Variants in MYH7 observed in about 807,000 individuals in gnomAD.
MYH7 encodes myosin heavy chain 7, also known as myosin-7.
In MYH7, 129 loss-of-function variants were observed where a neutral mutation model predicts 225.4. That is an observed-to-expected ratio of 0.57 (90% CI 0.50 to 0.66). The LOEUF (loss-of-function observed/expected upper bound fraction) is 0.66, where lower values mean the gene tolerates loss of function less well. Ranked by LOEUF, MYH7 falls within the 30% of genes least tolerant of loss-of-function variation. MYH7 has a pLI of 0.00. For synonymous variants in MYH7, 971 were observed against 1,007.6 expected, an observed-to-expected ratio of 0.96 and a Z score of 0.69; for missense variants, 1,649 against 2,517.0, an observed-to-expected ratio of 0.66 and a Z score of 7.38.
intron 18 of MYH7, 124 bp from the exon 19 acceptor site, chr14:23,426,205 TTC>T: frequency 8.8e-7 from 1 of 1,131,486 alleles, no homozygotes; most frequent in Non-Finnish European, 1.3e-6. Context: ...AATCATTTGT[TTC>T]ATTTTCTTCT....
rs1893029381 is a variant in MYH7, at chr14:23,433,479, C to T, written c.201+53G>A. The T allele has an allele frequency of 1.3e-6, 2 of 1,591,238 alleles. No homozygotes were observed. Among genetic ancestry groups the T allele is most frequent in the Admixed American group, 3.3e-5 (2 of 60,012 alleles). On this transcript the variant is annotated intron_variant, in intron 3 of 39. Transcript: ENST00000355349. This position sits in a 1 kb window ranked among gnomAD's most constrained non-coding sequence, Gnocchi z 4.1. ...GGGCATGGGTGTACCCCTCTCTGTCCACCCAGGTGTACAGGTGGCCAGGGT... is the reference window on the plus strand; with the variant it reads ...GGGCATGGGTGTACCCCTCTCTGTCTACCCAGGTGTACAGGTGGCCAGGGT...
intron 6 of MYH7, 41 bp from the exon 7 acceptor site, chr14:23,431,910 T>C: frequency 6.3e-7 from 1 of 1,590,676 alleles, no homozygotes; most frequent in Non-Finnish European, 8.6e-7. Flanking sequence ...ACAATACTAC[T>C]GGAGACCAGC....
chr14:23,426,169 G>C, intron 18 of MYH7, 88 bp from the exon 19 acceptor site: 1 of 1,424,796 alleles, frequency 7.0e-7, no homozygotes, highest in Non-Finnish European at 9.8e-7. Flanking sequence ...TGATTAGCTT[G>C]TAATCTTAGC....
At position 23,419,899 on chromosome 14, in the gene MYH7, G is replaced by C; in HGVS notation, c.3672C>G (p.Phe1224Leu). 1 of 1,613,524 alleles carries C rather than the reference G, an allele frequency of 6.2e-7. No homozygotes were observed. Among genetic ancestry groups the C allele is most frequent in the Non-Finnish European group, 8.5e-7 (1 of 1,179,690 alleles). ...KQKLEKEKSE[F>L]KLELDDVTSN... ...AGGTGACGTCATCCAGCTCCAGCTT[G>C]AACTCGCTCTTCTCCTTCTCCAGCT... Residue 1224 changes from phenylalanine (F) to leucine (L), a missense_variant, in exon 27 of 40, where the codon TTC becomes TTG. This residue lies in a region of MYH7 where 106 missense variants were observed against 198.8 expected (regional missense o/e 0.53). Coordinates refer to ENST00000355349, the MANE Select transcript of MYH7 (RefSeq NM_000257.4).
In MYH7 at chr14:23,432,508, T is replaced by A. The variant is rs777941638; in HGVS notation, c.503-2A>T. 6.2e-7 allele frequency: 1 copy of A among 1,614,078 alleles called. No homozygotes were observed. ...TCAGGATGGACTGGTTTTCTCTGTC[T>A]GTGGGGAGAGGGTGGGGAGGAAAGG... On this transcript the variant is annotated splice_acceptor_variant, in intron 5 of 39. Coordinates refer to ENST00000355349, the MANE Select transcript of MYH7 (RefSeq NM_000257.4). LOFTEE classifies it high-confidence loss of function.
rs747353432 is a variant in MYH7, at chr14:23,419,480, C to T, written c.3853+3G>A. ...AACCATGGAGCCCCTGCTCTAGGCT[C>T]ACCATTCTCGGTTTGCAACTTGGCC... is the stretch of plus-strand genomic sequence containing the variant. On this transcript the variant is annotated splice_donor_region_variant and intron_variant, in intron 28 of 39. Coordinates refer to ENST00000355349, the MANE Select transcript of MYH7 (RefSeq NM_000257.4). 1.2e-6 allele frequency: 2 copies of T among 1,614,010 alleles called. No homozygotes were observed. Among genetic ancestry groups the T allele is most frequent in the East Asian group, 4.5e-5 (2 of 44,878 alleles).
rs761574227 is a variant in MYH7 at position 23,423,547 on chromosome 14, A to G, written c.3099T>C (p.Asp1033=). The change falls in exon 24 of 40, where the codon GAT becomes GAC. Residue 1033 remains aspartate (D), a splice_region_variant and synonymous_variant. Coordinates refer to ENST00000355349, the MANE Select transcript of MYH7 (RefSeq NM_000257.4). ...AKVKLEQQVD[D]LEGSLEQEKK... The stretch of plus-strand genomic sequence containing the variant: ...GCCCCACAACTCTCAATCTACTCAC[A>G]TCATCCACTTGCTGCTCCAGCTTGA... 2 of 1,613,340 alleles carry G rather than the reference A, an allele frequency of 1.2e-6. No individual in the cohort carries two copies. The highest frequency in any genetic ancestry group is 2.2e-5 in the South Asian group (2 of 91,052).
Position 23,433,855 on chromosome 14 carries a change from G to T in MYH7, c.-8-115C>A. ...TAGCACCATGCTCAAGAGTCAAGAG[G>T]AGTTACCAGTGAGTCCCTTCCTCTT... On this transcript the variant is annotated intron_variant, in intron 2 of 39. Transcript: ENST00000355349. This position sits in a 1 kb window ranked among gnomAD's most constrained non-coding sequence, Gnocchi z 4.1. 2 of 1,044,246 alleles carry T rather than the reference G, an allele frequency of 1.9e-6. No individual in the cohort carries two copies. Among genetic ancestry groups the T allele is most frequent in the Non-Finnish European group, 2.9e-6 (2 of 697,518 alleles). 64.7% of individuals were successfully genotyped at this position (1,044,246 alleles called of 1,614,324 possible).
Position 23,420,968 on chromosome 14 carries a change from T to C in MYH7, c.3326A>G (p.Lys1109Arg). The C allele has an allele frequency of 6.2e-7, 1 of 1,612,046 alleles. No homozygotes were observed. The highest frequency in any genetic ancestry group is 8.5e-7 in the Non-Finnish European group (1 of 1,179,762). ...ALGSQLQKKL[K>R]ELQARIEELE... is the part of the protein sequence containing the mutation. ...GTGTCCAGACCTCACCTGAAGCTCC[T>C]TGAGCTTCTTCTGCAGCTGGCTGCC... is the stretch of plus-strand genomic sequence containing the variant. Residue 1109 changes from lysine to arginine, a missense_variant, in exon 26 of 40, where the codon AAG (lysine) becomes AGG (arginine). This residue lies in a region of MYH7 where 106 missense variants were observed against 198.8 expected (regional missense o/e 0.53). Coordinates refer to ENST00000355349, the MANE Select transcript of MYH7 (RefSeq NM_000257.4).
chr14:23,429,980 T>G, intron 11 of MYH7, 67 bp from the exon 12 acceptor site: 1 of 1,591,676 alleles, frequency 6.3e-7, no homozygotes, highest in Non-Finnish European at 8.6e-7. Context: ...AGATCCCTTG[T>G]AAGTTGGAGA....
At chr14:23,432,996 C>T in intron 4 of MYH7, 88 bp downstream of exon 4, 3 of 1,592,942 alleles carry the variant, frequency 1.9e-6, no homozygotes, top group South Asian at 1.1e-5. Context: ...CCTGCCTAGA[C>T]ACAAACAGAA....
At position 23,430,567 on chromosome 14, in the gene MYH7, G is replaced by T. The variant is rs1441529046; in HGVS notation, c.992C>A (p.Ala331Asp). Residue 331 changes from alanine (A) to aspartate (D), a missense_variant, in exon 11 of 40, where the codon GCC becomes GAC. Physicochemically the swap from Ala to Asp is moderately radical, Grantham distance 126. Coordinates refer to ENST00000355349, the MANE Select transcript of MYH7 (RefSeq NM_000257.4). ...GGGTCCTCACACACTCACATCAGTG[G>T]CCATGAGCTCCTCAGCGTCATCAAT... ...ASIDDAEELM[A>D]TDNAFDVLGF... The T allele has an allele frequency of 1.9e-6, 3 of 1,612,960 alleles. No individual in the cohort carries two copies. The highest frequency in any genetic ancestry group is 1.7e-6 in the Non-Finnish European group (2 of 1,179,084).
In MYH7 at chr14:23,425,149, C is replaced by G; in HGVS notation, c.2424-125G>C. ...CTTCCTGAGGCCTCTGACCCTGTGA[C>G]TGCAGTGTGTTCATATGAGCCCCTC... is the stretch of plus-strand genomic sequence containing the variant. On this transcript the variant is annotated intron_variant, in intron 21 of 39. Coordinates refer to ENST00000355349, the MANE Select transcript of MYH7 (RefSeq NM_000257.4). The surrounding 1 kb of genome is among the most constrained non-coding windows in gnomAD (Gnocchi z 4.6). 1 of 1,598,606 alleles carries G rather than the reference C, an allele frequency of 6.3e-7. No homozygotes were observed. Among genetic ancestry groups the G allele is most frequent in the Non-Finnish European group, 8.6e-7 (1 of 1,168,076 alleles).
chr14:23,422,354 G>T, intron 24 of MYH7, 29 bp from the exon 25 acceptor site: 1 of 1,614,066 alleles, frequency 6.2e-7, no homozygotes, highest in Non-Finnish European at 8.5e-7. Context: ...CAGGCCCAGT[G>T]AGGCAAAGCA....
In MYH7 at chr14:23,416,951, T is replaced by A; in HGVS notation, c.4561A>T (p.Lys1521Ter). The change falls in exon 33 of 40, where the codon AAG becomes TAG. Residue 1521 changes from lysine to a stop codon, truncating the protein, a stop_gained. Transcript: ENST00000355349. LOFTEE classifies it high-confidence loss of function. ...DLTEQLGSSG[K>*]TIHELEKVRK... The stretch of plus-strand genomic sequence containing the variant: ...ACCTTCTCCAGCTCATGGATAGTCT[T>A]TCCGCTGGAACCCAACTGCTCAGTC... The A allele has an allele frequency of 6.2e-7, 1 of 1,614,236 alleles. No homozygotes were observed. Among genetic ancestry groups the A allele is most frequent in the Non-Finnish European group, 8.5e-7 (1 of 1,180,036 alleles).
intron 8 of MYH7, 31 bp from the exon 9 acceptor site, chr14:23,431,512 T>C (rs778113492): frequency 2.5e-6 from 4 of 1,613,944 alleles, no homozygotes; most frequent in South Asian, 2.2e-5. Flanking sequence ...GGTGATGAGT[T>C]GGGGGAAGGC....
intron 1 of MYH7, among the ~76,000 whole-genome samples, chr14:23,434,793 C>G (rs1384063662): frequency 2.0e-5 from 3 of 152,160 alleles, no homozygotes; most frequent in Non-Finnish European, 4.4e-5. Flanking sequence ...TGGACATTCT[C>G]AGAGAGAAGA....
rs1289271369 is a variant in MYH7, at chr14:23,425,527, G to A, written c.2287-109C>T. Reference sequence around the variant, plus strand: ...GCCTAGAAAAGGATTGCAGGGAGGAGGTCAATGGCAGCTGGAGCTGGGATG... The same window carrying A: ...GCCTAGAAAAGGATTGCAGGGAGGAAGTCAATGGCAGCTGGAGCTGGGATG... On this transcript the variant is annotated intron_variant, in intron 20 of 39. Coordinates refer to ENST00000355349, the MANE Select transcript of MYH7 (RefSeq NM_000257.4). The surrounding 1 kb of genome is among the most constrained non-coding windows in gnomAD (Gnocchi z 4.6). 1.9e-6 allele frequency: 3 copies of A among 1,588,414 alleles called. No individual in the cohort carries two copies. Among genetic ancestry groups the A allele is most frequent in the Non-Finnish European group, 2.6e-6 (3 of 1,165,086 alleles).
rs765643812 is a variant in MYH7, at chr14:23,427,805, G to A, written c.1668C>T (p.His556=). 2.5e-6 allele frequency: 4 copies of A among 1,614,210 alleles called. No homozygotes were observed. In the East Asian group the frequency reaches 8.9e-5, roughly 36 times the overall value. Residue 556 remains histidine (H), a synonymous_variant, in exon 16 of 40, where the codon CAC becomes CAT. Coordinates refer to ENST00000355349, the MANE Select transcript of MYH7 (RefSeq NM_000257.4). Reference sequence around the variant, plus strand: ...TCTGGAAGTTGGCGGATTTGCCCAGGTGGTTGTCAAACAGCTTGGCCTTGA... The same window carrying A: ...TCTGGAAGTTGGCGGATTTGCCCAGATGGTTGTCAAACAGCTTGGCCTTGA... The part of the protein sequence containing the change: ...MTFKAKLFDN[H]LGKSANFQKP...
Sources: allele counts gnomAD v4.1 joint callset (sites outside exome capture counted in the v4.1 genomes callset), GRCh38; gene constraint gnomAD v4.1.1; regional missense constraint gnomAD v4.1.1; non-coding constraint Gnocchi (gnomAD v3.1); transcripts MANE v1.5; gene names NCBI Gene and HGNC (gene_info 2026-07-23, HGNC 2026-07-21).